APOL3: variants seen among roughly 807,000 people sequenced by gnomAD.
The protein encoded by APOL3 is apolipoprotein L3.
APOL3 carries 14 observed loss-of-function variants against 11.6 expected under a neutral mutation model. That is an observed-to-expected ratio of 1.21 (90% CI 0.80 to 1.89). The LOEUF is 1.89. Ranked by LOEUF, APOL3 falls within the 40% of genes most tolerant of loss-of-function variation. The probability of loss-of-function intolerance (pLI) is 0.00; values close to 1 mark genes in which losing one functional copy is unlikely to be tolerated. For synonymous variants in APOL3, 192 were observed against 190.6 expected, an observed-to-expected ratio of 1.01 and a Z score of -0.06; for missense variants, 483 against 492.1, an observed-to-expected ratio of 0.98 and a Z score of 0.17.
At chr22:36,141,191 G>A in exon 3 of APOL3, 1 of 1,610,228 alleles carries the variant, frequency 6.2e-7, no homozygotes. Flanking sequence ...TGGCTGCACT[G>A]GTCTGGGGTC....
At chr22:36,145,980 T>G (rs113941631) in intron 1 of APOL3, among the ~76,000 whole-genome samples, 37 of 118,718 alleles carry the variant, frequency 3.1e-4, no homozygotes, top group South Asian at 7.1e-4. Context: ...CTGTCTCTCT[T>G]TCTCTCTCTC....
chr22:36,141,958 A>G, exon 3 of APOL3: 1 of 1,614,182 alleles, frequency 6.2e-7, no homozygotes, highest in Non-Finnish European at 8.5e-7. Flanking sequence ...TTCAAAAACC[A>G]TTCCCTAAAC....
chr22:36,141,151 C>T (rs780249723), exon 3 of APOL3: 31 of 1,565,840 alleles, frequency 2.0e-5, no homozygotes, highest in Non-Finnish European at 2.5e-5. Flanking sequence ...TGCATTTTGT[C>T]GTGGCCTGTG....
chr22:36,143,238 A>G (rs1569528905), intron 2 of APOL3, among the ~76,000 whole-genome samples: 1 of 152,382 alleles, frequency 6.6e-6, no homozygotes, highest in African/African-American at 2.4e-5. Flanking sequence ...GTTTTGTCCC[A>G]CATTCACACA....
At position 36,160,798 on chromosome 22, in the gene APOL3, CA is replaced by C; in HGVS notation, c.93del (p.Phe31LeufsTer70). 4 of 1,613,948 alleles carry C rather than the reference CA, an allele frequency of 2.5e-6. No homozygotes were observed. Among genetic ancestry groups the C allele is most frequent in the Non-Finnish European group, 2.5e-6 (3 of 1,179,884 alleles). The stretch of plus-strand genomic sequence containing the variant: ...AGGCTCTGAGATATACCCTGGAACC[CA>C]AAAGGGAAAGTGAAAGTCACAACTT... On this transcript the variant is annotated frameshift_variant, in exon 1 of 3. Coordinates refer to ENST00000349314, the Ensembl canonical transcript of APOL3. LOFTEE classifies it high-confidence loss of function.
intron 1 of APOL3, chr22:36,155,745 T>C: frequency 6.3e-6 from 1 of 159,734 alleles, no homozygotes; most frequent in Non-Finnish European, 1.4e-5. Flanking sequence ...TCTGATGAGC[T>C]ACACCCAGGG....
At chr22:36,160,075 G>A (rs1032280322) in intron 1 of APOL3, among the ~76,000 whole-genome samples, 1 of 152,028 alleles carries the variant, frequency 6.6e-6, no homozygotes, top group African/African-American at 2.4e-5. Context: ...TAGAGGCAGG[G>A]TTTCTCCATA....
At chr22:36,153,361 C>T (rs2012136054) in intron 1 of APOL3, 1 of 455,848 alleles carries the variant, frequency 2.2e-6, no homozygotes. Context: ...AAGAGAAATA[C>T]ACCTGCCTCC....
At chr22:36,160,171 C>A (rs1245447959) in intron 1 of APOL3, among the ~76,000 whole-genome samples, 2 of 152,192 alleles carry the variant, frequency 1.3e-5, no homozygotes, top group Admixed American at 6.5e-5. Context: ...GCATGAGCCA[C>A]CGCGCCCAGC....
chr22:36,153,923 G>T (rs114635967), intron 1 of APOL3, among the ~76,000 whole-genome samples: 1,755 of 152,294 alleles, frequency 0.012, 28 homozygotes, highest in African/African-American at 0.04. Flanking sequence ...CAAAGTGGGC[G>T]TTTCCAGGCT....
exon 3 of APOL3, chr22:36,141,107 T>C: frequency 6.6e-7 from 1 of 1,523,082 alleles, no homozygotes; most frequent in African/African-American, 1.4e-5. Context: ...CCATAAACTT[T>C]ACCTTGCCCT....
chr22:36,161,783 G>T (rs1030562323), upstream of APOL3, among the ~76,000 whole-genome samples: 1 of 152,150 alleles, frequency 6.6e-6, no homozygotes, highest in Non-Finnish European at 1.5e-5. Context: ...GGGGTTCCTT[G>T]CTTCTAGTGA....
intron 1 of APOL3, among the ~76,000 whole-genome samples, chr22:36,158,073 A>C (rs530300084): frequency 6.6e-6 from 1 of 152,132 alleles, no homozygotes. Context: ...TAAATAAATA[A>C]AATTTAAAAA....
chr22:36,152,833 G>C (rs1042524939), intron 1 of APOL3, among the ~76,000 whole-genome samples: 1 of 152,154 alleles, frequency 6.6e-6, no homozygotes, highest in Non-Finnish European at 1.5e-5. Flanking sequence ...AGCTGGCTAG[G>C]CACACTGGTT....
exon 3 of APOL3, chr22:36,141,712 T>G (rs1319408060): frequency 6.2e-7 from 1 of 1,614,078 alleles, no homozygotes. Flanking sequence ...GTGATCCCAG[T>G]CACAGCAGAC....
intron 1 of APOL3, among the ~76,000 whole-genome samples, chr22:36,147,461 T>C (rs1354970110): frequency 6.6e-6 from 1 of 152,182 alleles, no homozygotes; most frequent in African/African-American, 2.4e-5. Context: ...TCCTTGAGCC[T>C]CCCAGCCAAG....
chr22:36,151,694 C>T (rs972154002), intron 1 of APOL3, among the ~76,000 whole-genome samples: 1 of 152,210 alleles, frequency 6.6e-6, no homozygotes, highest in Non-Finnish European at 1.5e-5. Flanking sequence ...GTGGCTCATG[C>T]CTATAACCCC....
At chr22:36,147,988 G>A (rs1302242941) in intron 1 of APOL3, among the ~76,000 whole-genome samples, 1 of 152,202 alleles carries the variant, frequency 6.6e-6, no homozygotes, top group Admixed American at 6.5e-5. Context: ...ACACGACTAG[G>A]AATTTTCCAA....
chr22:36,141,989 A>G (rs2146726541), exon 3 of APOL3: 2 of 1,614,202 alleles, frequency 1.2e-6, no homozygotes, highest in African/African-American at 1.3e-5. Context: ...TCTGCTGCAC[A>G]TATTCGTCCT....
Sources: allele counts gnomAD v4.1 joint callset (sites outside exome capture counted in the v4.1 genomes callset), GRCh38; gene constraint gnomAD v4.1.1; transcripts MANE v1.5; gene names NCBI Gene and HGNC (gene_info 2026-07-23, HGNC 2026-07-21).